The following OCSTAMP variants were observed in gnomAD, a reference collection of about 807,000 sequenced individuals.
OCSTAMP encodes the protein osteoclast stimulatory transmembrane protein, also known as transmembrane protein C20orf123.
Under a neutral mutation model 25.2 loss-of-function variants are expected in OCSTAMP, and 17 were observed. The observed-to-expected ratio is 0.68, with a 90% CI of 0.46 to 1.01. OCSTAMP has a LOEUF of 1.01. OCSTAMP is among the 50% of genes least tolerant of loss of function. The probability of loss-of-function intolerance (pLI) is 0.00; values close to 1 mark genes in which losing one functional copy is unlikely to be tolerated. For missense variants in OCSTAMP, 664 were observed against 694.6 expected, an observed-to-expected ratio of 0.96 and a Z score of 0.50; for synonymous variants, 345 against 318.9, an observed-to-expected ratio of 1.08 and a Z score of -0.87.
chr20:46,544,032 G>A (rs940317950), intron 2 of OCSTAMP, among the ~76,000 whole-genome samples: 5 of 152,116 alleles, frequency 3.3e-5, no homozygotes, highest in Non-Finnish European at 5.9e-5. Context: ...CACATAGTGG[G>A]ACACCATCTC....
rs2061867362 is a variant in OCSTAMP at position 46,550,461 on chromosome 20, A to AATGGCTGACTGT, written c.44+44_44+55dup. 5 of 1,483,276 alleles carry AATGGCTGACTGT rather than the reference A, an allele frequency of 3.4e-6. No individual in the cohort carries two copies. The Admixed American group carries it at 7.9e-5, about 23-fold the overall frequency. 91.9% of individuals were successfully genotyped at this position (1,483,276 alleles called of 1,614,324 possible). The stretch of plus-strand genomic sequence containing the variant: ...ATTTGGGTTCATATCCATCACCCCC[A>AATGGCTGACTGT]ATGGCTGACTGTTTTCTCACCTGTA... On this transcript the variant is annotated intron_variant, in intron 1 of 2. Transcript: ENST00000279028.
chr20:46,546,790 C>A (rs1023834591), intron 1 of OCSTAMP, among the ~76,000 whole-genome samples: 5 of 152,250 alleles, frequency 3.3e-5, no homozygotes, highest in Admixed American at 3.3e-4. Context: ...TCTTTCTGAA[C>A]TTCAGGGTCT....
intron 2 of OCSTAMP, among the ~76,000 whole-genome samples, chr20:46,545,083 G>A (rs567789342): frequency 6.6e-6 from 1 of 152,156 alleles, no homozygotes. Context: ...TTGGATGCAA[G>A]TTATTTTAAG....
chr20:46,545,350 T>C lies in OCSTAMP; in HGVS notation c.1024A>G (p.Ile342Val). The change falls in exon 2 of 3, where the codon ATC (isoleucine) becomes GTC (valine). Residue 342 changes from isoleucine (I) to valine (V), a missense_variant. Coordinates refer to ENST00000279028, the MANE Select transcript of OCSTAMP (RefSeq NM_080721.3). Reference sequence around the variant, plus strand: ...ACATCATACTTGACCGTGAGCGTGATGGGCACAGTTGGCAACTTCTGAGCC... The same window carrying C: ...ACATCATACTTGACCGTGAGCGTGACGGGCACAGTTGGCAACTTCTGAGCC... ...DWAQKLPTVPITLTVKYDVAY... is the reference protein window; with the variant it reads ...DWAQKLPTVPVTLTVKYDVAY... The C allele has an allele frequency of 4.0e-6, 6 of 1,483,668 alleles. No individual in the cohort carries two copies. The highest frequency in any genetic ancestry group is 1.4e-5 in the South Asian group (1 of 72,908). The allele number at this position is 1,483,668 out of a possible 1,614,324, so 91.9% of individuals were successfully genotyped here.
chr20:46,544,935 G>A (rs2061846169), intron 2 of OCSTAMP, among the ~76,000 whole-genome samples: 1 of 152,164 alleles, frequency 6.6e-6, no homozygotes, highest in African/African-American at 2.4e-5. Flanking sequence ...TCTCTTATGT[G>A]CCATGGAGCT....
Position 46,546,212 on chromosome 20 carries a change from C to T in OCSTAMP, c.162G>A (p.Leu54=), listed in dbSNP as rs1286326846. The change falls in exon 2 of 3, where the codon CTG becomes CTA. Residue 54 remains leucine, a synonymous_variant. Transcript: ENST00000279028. ...SCGQLLTQLL[L]CASLAAAAAG... Reference sequence around the variant, plus strand: ...CAGCAGCAGCAGCCAGGGAGGCACACAGGAGGAGCTGGGTCAGCAGCTGGC... The same window carrying T: ...CAGCAGCAGCAGCCAGGGAGGCACATAGGAGGAGCTGGGTCAGCAGCTGGC... The T allele has an allele frequency of 5.2e-6, 8 of 1,551,774 alleles. No homozygotes were observed. Among genetic ancestry groups the T allele is most frequent in the Non-Finnish European group, 6.1e-6 (7 of 1,147,030 alleles).
At position 46,545,891 on chromosome 20, in the gene OCSTAMP, G is replaced by C; in HGVS notation, c.483C>G (p.Leu161=). 6.4e-7 allele frequency: 1 copy of C among 1,551,360 alleles called. No individual in the cohort carries two copies. The highest frequency in any genetic ancestry group is 1.2e-5 in the South Asian group (1 of 84,058). ...CVTEGSLESL[L]NTTHQLHAAS... The stretch of plus-strand genomic sequence containing the variant: ...CTGCATGCAGCTGGTGAGTGGTATT[G>C]AGGAGACTCTCCAGGGAGCCCTCGG... Residue 161 remains leucine (L), a synonymous_variant, in exon 2 of 3, where the codon CTC becomes CTG. Transcript: ENST00000279028.
Position 46,546,107 on chromosome 20 carries a change from G to A in OCSTAMP, c.267C>T (p.Gly89=), listed in dbSNP as rs765502809. 1.7e-4 allele frequency: 265 copies of A among 1,551,684 alleles called. No individual in the cohort carries two copies. Among genetic ancestry groups the A allele is most frequent in the Admixed American group, 4.1e-4 (21 of 50,996 alleles). ...GGCCCAGGCTCAGGAAGACCAGGAGGCCACAGACAGTGGCAACCATGGCTG... is the reference window on the plus strand; with the variant it reads ...GGCCCAGGCTCAGGAAGACCAGGAGACCACAGACAGTGGCAACCATGGCTG... ...GPSAMVATVC[G]LLVFLSLGLV... The change falls in exon 2 of 3, where the codon GGC becomes GGT. Residue 89 remains glycine (G), a synonymous_variant. Coordinates refer to ENST00000279028, the MANE Select transcript of OCSTAMP (RefSeq NM_080721.3).
At chr20:46,542,045 C>A (rs906908940) in intron 2 of OCSTAMP, 118 bp from the exon 3 acceptor site, 1 of 1,337,872 alleles carries the variant, frequency 7.5e-7, no homozygotes, top group Admixed American at 3.7e-5. Flanking sequence ...CAGAAATAAC[C>A]CGTTTCCCAG....
At position 46,546,197 on chromosome 20, in the gene OCSTAMP, A is replaced by C. The variant is rs1385290252; in HGVS notation, c.177T>G (p.Ala59=). 28 of 1,551,706 alleles carry C rather than the reference A, an allele frequency of 1.8e-5. No homozygotes were observed. The highest frequency in any genetic ancestry group is 2.4e-5 in the Non-Finnish European group (28 of 1,147,020). The change falls in exon 2 of 3, where the codon GCT becomes GCG. Residue 59 remains alanine, a synonymous_variant. Coordinates refer to ENST00000279028, the MANE Select transcript of OCSTAMP (RefSeq NM_080721.3). ...GATAAACCAGACCTGCAGCAGCAGCAGCCAGGGAGGCACACAGGAGGAGCT... is the reference window on the plus strand; with the variant it reads ...GATAAACCAGACCTGCAGCAGCAGCCGCCAGGGAGGCACACAGGAGGAGCT... ...LTQLLLCASL[A]AAAAGLVYHW...
chr20:46,542,602 A>G lies in OCSTAMP; in HGVS notation c.1048-675T>C, dbSNP rs117761624. Among the ~76,000 whole-genome samples the G allele has an allele frequency of 4.9e-3, 723 of 148,216 alleles. 9 individuals are homozygous for G. The East Asian group carries it at 0.056, about 12-fold the overall frequency. ...AAAAAAAAAAAAGATGGGAAGCCCA[A>G]AGCCACACATGGGTTACATGTTGCC... On this transcript the variant is annotated intron_variant, in intron 2 of 2. Coordinates refer to ENST00000279028, the MANE Select transcript of OCSTAMP (RefSeq NM_080721.3).
chr20:46,541,024 C>A lies in OCSTAMP; in HGVS notation c.*250G>T. 1 of 418,180 alleles carries A rather than the reference C, an allele frequency of 2.4e-6. No homozygotes were observed. Among genetic ancestry groups the A allele is most frequent in the Non-Finnish European group, 4.3e-6 (1 of 233,878 alleles). The allele number at this position is 418,180 out of a possible 1,614,324, so 25.9% of individuals were successfully genotyped here. On this transcript the variant is annotated 3_prime_UTR_variant, in exon 3 of 3. Coordinates refer to ENST00000279028, the MANE Select transcript of OCSTAMP (RefSeq NM_080721.3). ...GAAGGAATTTGAGGCAGAGGAATAA[C>A]GTAATCTAAGATTTAATAAATACGT...
intron 1 of OCSTAMP, among the ~76,000 whole-genome samples, chr20:46,548,347 C>T (rs921409809): frequency 1.3e-5 from 2 of 152,154 alleles, no homozygotes; most frequent in African/African-American, 2.4e-5. Context: ...GGACTTTGTC[C>T]GTTTTGGTCA....
At position 46,544,727 on chromosome 20, in the gene OCSTAMP, T is replaced by C. The variant is rs1270797142; in HGVS notation, c.1047+600A>G. The stretch of plus-strand genomic sequence containing the variant: ...TTGCAATTACTCAACTTTGCCTTTG[T>C]AGGGCAGCCACAGACAATATATTGA... On this transcript the variant is annotated intron_variant, in intron 2 of 2. Transcript: ENST00000279028. Among the ~76,000 whole-genome samples the C allele has an allele frequency of 2.0e-5, 3 of 152,222 alleles. No individual in the cohort carries two copies. The East Asian group carries it at 5.8e-4, about 29-fold the overall frequency.
intron 2 of OCSTAMP, among the ~76,000 whole-genome samples, chr20:46,543,795 A>G (rs1001219080): frequency 4.3e-4 from 66 of 152,276 alleles, no homozygotes; most frequent in African/African-American, 1.6e-3. Context: ...CTAAGGATAC[A>G]TAAAGTAATG....
Position 46,546,215 on chromosome 20 carries a change from G to T in OCSTAMP, c.159C>A (p.Leu53=). 1 of 1,551,754 alleles carries T rather than the reference G, an allele frequency of 6.4e-7. No individual in the cohort carries two copies. The highest frequency in any genetic ancestry group is 1.2e-5 in the South Asian group (1 of 84,064). Residue 53 remains leucine (L), a synonymous_variant, in exon 2 of 3, where the codon CTC becomes CTA. Coordinates refer to ENST00000279028, the MANE Select transcript of OCSTAMP (RefSeq NM_080721.3). The part of the protein sequence containing the change: ...ASCGQLLTQL[L]LCASLAAAAA... ...CAGCAGCAGCCAGGGAGGCACACAG[G>T]AGGAGCTGGGTCAGCAGCTGGCCAC... is the stretch of plus-strand genomic sequence containing the variant.
Position 46,546,151 on chromosome 20 carries a change from G to A in OCSTAMP, c.223C>T (p.Leu75Phe). ...ATGGCTGAAGGTCCAGGAGGATAAA[G>A]CAGCAAGGATGCCAGCCAGTGATAA... ...LVYHWLASLL[L>F]YPPGPSAMVA... is the part of the protein sequence containing the mutation. Residue 75 changes from leucine to phenylalanine, a missense_variant, in exon 2 of 3, where the codon CTT (leucine) becomes TTT (phenylalanine). Transcript: ENST00000279028. 2 of 1,551,780 alleles carry A rather than the reference G, an allele frequency of 1.3e-6. No homozygotes were observed. Among genetic ancestry groups the A allele is most frequent in the Middle Eastern group, 1.7e-4 (1 of 5,988 alleles).
At chr20:46,542,004 G>T (rs2146051160) in intron 2 of OCSTAMP, 77 bp from the exon 3 acceptor site, 1 of 1,365,904 alleles carries the variant, frequency 7.3e-7, no homozygotes, top group Admixed American at 3.6e-5. Context: ...GGCTTGTCCA[G>T]CTTTCCCTGC....
At chr20:46,549,569 C>T (rs1386146866) in intron 1 of OCSTAMP, among the ~76,000 whole-genome samples, 1 of 152,096 alleles carries the variant, frequency 6.6e-6, no homozygotes, top group Non-Finnish European at 1.5e-5. Flanking sequence ...GGTGACATTC[C>T]AGCTGGGGGT....
Sources: allele counts gnomAD v4.1 joint callset (sites outside exome capture counted in the v4.1 genomes callset), GRCh38; gene constraint gnomAD v4.1.1; transcripts MANE v1.5; gene names NCBI Gene and HGNC (gene_info 2026-07-23, HGNC 2026-07-21).